PGM5: variants seen among roughly 807,000 people sequenced by gnomAD.
The protein encoded by PGM5 is phosphoglucomutase 5.
A neutral mutation model predicts 59.2 loss-of-function variants in PGM5; 23 were observed. The ratio of observed to expected loss-of-function variants is 0.39; its 90% confidence interval spans 0.28 to 0.55. The LOEUF (loss-of-function observed/expected upper bound fraction) is 0.55. Ranked by LOEUF, PGM5 falls within the 20% of genes least tolerant of loss-of-function variation. The pLI, the probability that PGM5 is intolerant of heterozygous loss-of-function variation, is 0.66. For synonymous variants in PGM5, 214 were observed against 286.0 expected, an observed-to-expected ratio of 0.75 and a Z score of 2.54; for missense variants, 574 against 748.3, an observed-to-expected ratio of 0.77 and a Z score of 2.72.
At position 68,418,946 on chromosome 9, in the gene PGM5, C is replaced by T. The variant is rs974112694; in HGVS notation, c.1043+26473C>T. Reference sequence around the variant, plus strand: ...ACCAGGCTTATGCGAGCTTTATAGTCGGCTGAAAAAGAGAATGTGGTAAAG... The same window carrying T: ...ACCAGGCTTATGCGAGCTTTATAGTTGGCTGAAAAAGAGAATGTGGTAAAG... On this transcript the variant is annotated intron_variant, in intron 6 of 10. Coordinates refer to ENST00000396396, the MANE Select transcript of PGM5 (RefSeq NM_021965.4). Among the ~76,000 whole-genome samples, 20 of 152,062 alleles carry T rather than the reference C, an allele frequency of 1.3e-4. 1 individual carries two copies. Among genetic ancestry groups the T allele is most frequent in the Middle Eastern group, 3.2e-3 (1 of 316 alleles).
chr9:68,445,416 C>T (rs1311249694), intron 6 of PGM5, among the ~76,000 whole-genome samples: 2 of 152,188 alleles, frequency 1.3e-5, no homozygotes, highest in East Asian at 3.8e-4. Flanking sequence ...GAGCTGCAAG[C>T]ACTTAGAAAA....
intron 6 of PGM5, among the ~76,000 whole-genome samples, chr9:68,404,085 G>A (rs1389609913): frequency 1.3e-5 from 2 of 152,100 alleles, no homozygotes; most frequent in African/African-American, 4.8e-5. Flanking sequence ...TATATTCTGG[G>A]TAAAGTGGGT....
intron 6 of PGM5, among the ~76,000 whole-genome samples, chr9:68,423,516 G>T (rs145119537): frequency 2.0e-5 from 3 of 152,314 alleles, no homozygotes; most frequent in African/African-American, 7.2e-5. Context: ...CTGAGGAGCA[G>T]GACTGAAGAG....
intron 10 of PGM5, among the ~76,000 whole-genome samples, chr9:68,524,079 A>G (rs1824935695): frequency 6.6e-6 from 1 of 152,146 alleles, no homozygotes; most frequent in African/African-American, 2.4e-5. Flanking sequence ...AAGTAAAAAG[A>G]GAAACTCTGT....
intron 7 of PGM5, among the ~76,000 whole-genome samples, chr9:68,468,248 T>C (rs1823967614): frequency 1.3e-5 from 2 of 152,188 alleles, no homozygotes; most frequent in African/African-American, 4.8e-5. Flanking sequence ...TTCTCATCAT[T>C]TCGCTCCCAC....
At chr9:68,409,149 G>A (rs1485758588) in intron 6 of PGM5, among the ~76,000 whole-genome samples, 2 of 151,204 alleles carry the variant, frequency 1.3e-5, no homozygotes, top group Admixed American at 6.6e-5. Context: ...GGCCATCAGA[G>A]AAATGCAAAT....
chr9:68,451,276 A>G (rs1336958078), intron 6 of PGM5, among the ~76,000 whole-genome samples: 1 of 152,248 alleles, frequency 6.6e-6, no homozygotes, highest in Non-Finnish European at 1.5e-5. Flanking sequence ...GAATATGTAT[A>G]AAATACCACA....
chr9:68,399,340 G>A (rs1554680344), intron 6 of PGM5: 1 of 151,932 alleles, frequency 6.6e-6, no homozygotes, highest in Non-Finnish European at 1.5e-5. Context: ...CAGAGGGGGT[G>A]TCTATACTTA....
Sources: allele counts gnomAD v4.1 joint callset (sites outside exome capture counted in the v4.1 genomes callset), GRCh38; gene constraint gnomAD v4.1.1; transcripts MANE v1.5; gene names NCBI Gene and HGNC (gene_info 2026-07-23, HGNC 2026-07-21).